Variants in KCNB2 observed in about 807,000 individuals in gnomAD.
KCNB2 encodes potassium voltage-gated channel subfamily B member 2, also known as delayed rectifier potassium channel protein.
In KCNB2, 15 loss-of-function variants were observed where a neutral mutation model predicts 61.5. The observed-to-expected ratio is 0.24, with a 90% CI of 0.16 to 0.38. The LOEUF (loss-of-function observed/expected upper bound fraction) is 0.38. Ranked by LOEUF, KCNB2 falls within the 10% of genes least tolerant of loss-of-function variation. The pLI is 1.00. For missense variants in KCNB2, 828 were observed against 1,125.2 expected (o/e 0.74, Z 3.78); for synonymous variants, 457 against 446.0 (o/e 1.02, Z -0.31).
chr8:72,591,735 A>G (rs1045607126), intron 2 of KCNB2, among the ~76,000 whole-genome samples: 1 of 152,152 alleles, frequency 6.6e-6, no homozygotes, highest in African/African-American at 2.4e-5. Context: ...CAGATTACCA[A>G]TGGATTGAAG....
intron 2 of KCNB2, among the ~76,000 whole-genome samples, chr8:72,816,601 C>T (rs552091370): frequency 6.6e-6 from 1 of 152,236 alleles, no homozygotes; most frequent in African/African-American, 2.4e-5. Flanking sequence ...ATGTGCTGAA[C>T]ATTTTGATAT....
At chr8:72,648,523 C>T (rs1033745576) in intron 2 of KCNB2, among the ~76,000 whole-genome samples, 5 of 149,838 alleles carry the variant, frequency 3.3e-5, no homozygotes, top group Non-Finnish European at 5.9e-5. Context: ...ATCCTCCTGC[C>T]TCAGCCTCCC....
intron 2 of KCNB2, among the ~76,000 whole-genome samples, chr8:72,913,187 A>T (rs1259660606): frequency 6.6e-6 from 1 of 152,156 alleles, no homozygotes; most frequent in Admixed American, 6.5e-5. Flanking sequence ...TTTATGTAAC[A>T]TCAATATTTC....
At chr8:72,779,490 G>C (rs544908844) in intron 2 of KCNB2, among the ~76,000 whole-genome samples, 154 of 152,276 alleles carry the variant, frequency 1.0e-3, no homozygotes, top group African/African-American at 3.6e-3. Context: ...TCCCCAGCCA[G>C]CTGAAAACTA....
chr8:72,687,615 T>A (rs928598788), intron 2 of KCNB2, among the ~76,000 whole-genome samples: 2 of 152,218 alleles, frequency 1.3e-5, no homozygotes, highest in Non-Finnish European at 2.9e-5. Context: ...CCGTTAACCC[T>A]AAGGCCACAA....
At chr8:72,698,411 T>G (rs1807054363) in intron 2 of KCNB2, among the ~76,000 whole-genome samples, 2 of 152,044 alleles carry the variant, frequency 1.3e-5, no homozygotes. Context: ...GTAGAAGAAT[T>G]AATATCATTA....
At chr8:72,741,241 C>T (rs1807953461) in intron 2 of KCNB2, among the ~76,000 whole-genome samples, 1 of 152,246 alleles carries the variant, frequency 6.6e-6, no homozygotes, top group East Asian at 1.9e-4. Flanking sequence ...GAACTACCTG[C>T]AGTTTCTAGA....
At chr8:72,846,843 AGTGTG>A (rs1226923877) in intron 2 of KCNB2, among the ~76,000 whole-genome samples, 2 of 152,226 alleles carry the variant, frequency 1.3e-5, no homozygotes, top group Admixed American at 1.3e-4. Flanking sequence ...TGTGGAAGAC[AGTGTG>A]GCAATTCCTC....
chr8:72,714,657 T>TGG (rs1563568216), intron 2 of KCNB2, among the ~76,000 whole-genome samples: 1 of 151,932 alleles, frequency 6.6e-6, no homozygotes. Flanking sequence ...GCTCCTGAAG[T>TGG]AAGCACTAAA....
At chr8:72,790,614 A>T (rs750644247) in intron 2 of KCNB2, among the ~76,000 whole-genome samples, 1 of 152,184 alleles carries the variant, frequency 6.6e-6, no homozygotes, top group Non-Finnish European at 1.5e-5. Context: ...GTTCTGTGAC[A>T]GCAGCCAGCA....
chr8:72,685,781 G>T (rs1216929378), intron 2 of KCNB2, among the ~76,000 whole-genome samples: 1 of 152,202 alleles, frequency 6.6e-6, no homozygotes, highest in Non-Finnish European at 1.5e-5. Context: ...CCTGAGGTCA[G>T]GAGTTTGAGA....
At chr8:72,721,244 T>C (rs905380880) in intron 2 of KCNB2, among the ~76,000 whole-genome samples, 28 of 152,252 alleles carry the variant, frequency 1.8e-4, no homozygotes, top group African/African-American at 6.5e-4. Context: ...CGTTTCTTTA[T>C]TGGATCTCTC....
chr8:72,881,840 C>T (rs992481628), intron 2 of KCNB2: 2 of 152,028 alleles, frequency 1.3e-5, no homozygotes, highest in Admixed American at 6.6e-5. Context: ...AGGTCCTAGC[C>T]GTAGCATCCA....
At chr8:72,694,690 C>T (rs1269442328) in intron 2 of KCNB2, among the ~76,000 whole-genome samples, 1 of 151,946 alleles carries the variant, frequency 6.6e-6, no homozygotes, top group East Asian at 1.9e-4. Context: ...AATTGTATTA[C>T]CTTTATTATC....
intron 2 of KCNB2, among the ~76,000 whole-genome samples, chr8:72,812,154 C>T (rs1032290527): frequency 1.3e-5 from 2 of 151,984 alleles, no homozygotes; most frequent in African/African-American, 2.4e-5. Flanking sequence ...CCCAGCTACT[C>T]GCGAGGCTGA....
At chr8:72,915,467 T>C (rs1806377310) in intron 2 of KCNB2, among the ~76,000 whole-genome samples, 1 of 152,100 alleles carries the variant, frequency 6.6e-6, no homozygotes, top group Non-Finnish European at 1.5e-5. Context: ...AAAAAATTTG[T>C]AAAGGATGAA....
In KCNB2 at chr8:72,937,681, C is replaced by A. The variant is rs1359342304; in HGVS notation, c.2326C>A (p.Pro776Thr). The A allele has an allele frequency of 6.2e-7, 1 of 1,613,880 alleles. No individual in the cohort carries two copies. The highest frequency in any genetic ancestry group is 2.2e-5 in the East Asian group (1 of 44,848). Residue 776 changes from proline (P) to threonine (T), a missense_variant, in exon 3 of 3, where the codon CCT becomes ACT. By Grantham distance (38) the Pro-to-Thr change is conservative. This residue lies in a region of KCNB2 where 559 missense variants were observed against 588.4 expected (regional missense o/e 0.95). Transcript: ENST00000523207. ...CTTGCTGGGCACTGAGGTTTCAGCGCCTTGTCAGGGACCTTCCAAAGGGCT... is the reference window on the plus strand; with the variant it reads ...CTTGCTGGGCACTGAGGTTTCAGCGACTTGTCAGGGACCTTCCAAAGGGCT... ...RPLLGTEVSAPCQGPSKGLSP... is the reference protein window; with the variant it reads ...RPLLGTEVSATCQGPSKGLSP...
intron 2 of KCNB2, among the ~76,000 whole-genome samples, chr8:72,624,112 C>T (rs1307756333): frequency 1.3e-5 from 2 of 152,210 alleles, no homozygotes; most frequent in African/African-American, 4.8e-5. Context: ...CTTCTGTTTA[C>T]ATCAATCAAA....
chr8:72,780,038 C>A (rs1374061921), intron 2 of KCNB2, among the ~76,000 whole-genome samples: 3 of 152,096 alleles, frequency 2.0e-5, no homozygotes, highest in Non-Finnish European at 4.4e-5. Flanking sequence ...GCAAAGCTGC[C>A]TTTTCACTAT....
Sources: gnomAD v4.1 joint callset for allele counts (sites outside exome capture counted in the v4.1 genomes callset) on GRCh38, gnomAD v4.1.1 for gene constraint, gnomAD v4.1.1 regional missense constraint, MANE v1.5 for transcripts, NCBI Gene and HGNC (gene_info 2026-07-23, HGNC 2026-07-21) for gene names.